Variants in PLCD4 observed in about 807,000 individuals in gnomAD.
PLCD4 encodes the protein phospholipase C delta 4, also known as 1-phosphatidylinositol 4,5-bisphosphate phosphodiesterase delta-4.
In PLCD4, 63 loss-of-function variants were observed where a neutral mutation model predicts 90.2. The observed-to-expected ratio is 0.70, with a 90% CI of 0.57 to 0.86. PLCD4 has a LOEUF of 0.86. PLCD4 is among the 40% of genes least tolerant of loss of function. The probability of loss-of-function intolerance (pLI) is 0.00; values close to 1 mark genes in which losing one functional copy is unlikely to be tolerated. For missense variants in PLCD4, 830 were observed against 956.3 expected (o/e 0.87, Z 1.74); for synonymous variants, 294 against 356.5 (o/e 0.82, Z 1.97).
intron 3 of PLCD4, among the ~76,000 whole-genome samples, chr2:218,617,138 G>A (rs895160809): frequency 1.2e-3 from 175 of 144,934 alleles, no homozygotes; most frequent in African/African-American, 4.0e-3. Flanking sequence ...CTAATTTTTC[G>A]CATTTTTAGT....
At chr2:218,608,540 TG>T (rs887125311) in intron 1 of PLCD4, among the ~76,000 whole-genome samples, 4 of 152,182 alleles carry the variant, frequency 2.6e-5, no homozygotes, top group Non-Finnish European at 5.9e-5. Flanking sequence ...GCCTATTCCA[TG>T]GGCCAGAGCA....
Position 218,633,757 on chromosome 2 carries a change from G to C in PLCD4, c.1602G>C (p.Glu534Asp). ...CCAAGGCCAAGCGCCTCATCAAGGA[G>C]GCTGGTCAGGACCAAAATGGAGGGA... is the stretch of plus-strand genomic sequence containing the variant. ...SETKAKRLIK[E>D]AGNEFVQHNT... is the part of the protein sequence containing the mutation. The change falls in exon 11 of 16, where the codon GAG becomes GAC. Residue 534 changes from glutamate (E) to aspartate (D), a missense_variant. Glu to Asp is a conservative substitution (Grantham distance 45). Coordinates refer to ENST00000450993, the MANE Select transcript of PLCD4 (RefSeq NM_032726.4). The C allele has an allele frequency of 6.2e-7, 1 of 1,613,886 alleles. No individual in the cohort carries two copies. The highest frequency in any genetic ancestry group is 8.5e-7 in the Non-Finnish European group (1 of 1,179,878).
chr2:218,633,416 A>G (rs754166147), intron 10 of PLCD4, 189 bp from the exon 11 acceptor site: 9 of 738,452 alleles, frequency 1.2e-5, no homozygotes, highest in African/African-American at 1.7e-5. Flanking sequence ...TTGTCCGTCT[A>G]TCTGTTGTCA....
rs983994246 is a variant in PLCD4, at chr2:218,635,819, C to T, written c.1920C>T (p.Pro640=). Residue 640 remains proline, a synonymous_variant, in exon 14 of 16, where the codon CCC becomes CCT. Coordinates refer to ENST00000450993, the MANE Select transcript of PLCD4 (RefSeq NM_032726.4). ...LIQVISGQQL[P]KVDKTKEGSI... is the part of the protein sequence containing the mutation. The stretch of plus-strand genomic sequence containing the variant: ...AGGTGATCAGCGGTCAGCAACTCCC[C>T]AAAGTGGACAAGACCAAAGAGGGGT... 16 of 1,613,454 alleles carry T rather than the reference C, an allele frequency of 9.9e-6. No homozygotes were observed. The highest frequency in any genetic ancestry group is 1.4e-5 in the Non-Finnish European group (16 of 1,179,686).
intron 6 of PLCD4, among the ~76,000 whole-genome samples, chr2:218,627,810 C>G (rs899142480): frequency 2.0e-5 from 3 of 152,164 alleles, no homozygotes; most frequent in African/African-American, 7.2e-5. Context: ...CCGCGCCCAG[C>G]CTTGAATGAT....
In PLCD4 at chr2:218,628,091, G is replaced by A. The variant is rs369761244; in HGVS notation, c.835G>A (p.Asp279Asn). The change falls in exon 7 of 16, where the codon GAC (aspartate) becomes AAC (asparagine). Residue 279 changes from aspartate (D) to asparagine (N), a missense_variant. By Grantham distance (23) the Asp-to-Asn change is conservative. Coordinates refer to ENST00000450993, the MANE Select transcript of PLCD4 (RefSeq NM_032726.4). ...CAGCTACCTCTGCTCTAAGGATGGA[G>A]ACATCTTCAACCCAGCCTGCCTCCC... ...FLSYLCSKDG[D>N]IFNPACLPIY... The A allele has an allele frequency of 3.7e-5, 59 of 1,613,920 alleles. 1 individual carries two copies. The Admixed American group carries it at 5.0e-4, about 14-fold the overall frequency.
At chr2:218,612,600 C>G (rs13389890) in intron 1 of PLCD4, among the ~76,000 whole-genome samples, 1 of 151,830 alleles carries the variant, frequency 6.6e-6, no homozygotes, top group Non-Finnish European at 1.5e-5. Flanking sequence ...GGCAAAACTC[C>G]GTCTCTACTC....
At chr2:218,616,726 T>TATACGTACATAC (rs1695595470) in intron 3 of PLCD4, among the ~76,000 whole-genome samples, 1 of 128,776 alleles carries the variant, frequency 7.8e-6, no homozygotes, top group Admixed American at 8.5e-5. Flanking sequence ...AAAATACATA[T>TATACGTACATAC]ATACATACAT....
chr2:218,635,972 T>C (rs935437081), intron 14 of PLCD4, 41 bp downstream of exon 14: 9 of 1,613,288 alleles, frequency 5.6e-6, no homozygotes, highest in Non-Finnish European at 7.6e-6. Context: ...GGTAGGAGCA[T>C]GATTAGTTTT....
intron 3 of PLCD4, among the ~76,000 whole-genome samples, chr2:218,616,890 C>A (rs1695606348): frequency 1.8e-5 from 1 of 56,346 alleles, no homozygotes; most frequent in Non-Finnish European, 3.7e-5. Context: ...TGAATGTTAG[C>A]CATTATTTTA....
Position 218,634,161 on chromosome 2 carries a change from C to T in PLCD4, c.1663C>T (p.Leu555=), listed in dbSNP as rs1379459912. 2 of 1,612,874 alleles carry T rather than the reference C, an allele frequency of 1.2e-6. No individual in the cohort carries two copies. The highest frequency in any genetic ancestry group is 1.1e-5 in the South Asian group (1 of 90,746). Residue 555 remains leucine, a synonymous_variant, in exon 12 of 16, where the codon CTG becomes TTG. Coordinates refer to ENST00000450993, the MANE Select transcript of PLCD4 (RefSeq NM_032726.4). The surrounding 1 kb of genome is among the most constrained non-coding windows in gnomAD (Gnocchi z 4.0). Reference sequence around the variant, plus strand: ...GTTAAGCCGTGTGTATCCCAGCGGCCTGAGGACAGACTCTTCCAACTACAA... The same window carrying T: ...GTTAAGCCGTGTGTATCCCAGCGGCTTGAGGACAGACTCTTCCAACTACAA... ...WQLSRVYPSG[L]RTDSSNYNPQ...
chr2:218,630,656 G>C lies in PLCD4; in HGVS notation c.1126G>C (p.Asp376His), dbSNP rs749038624. ...TCCCTCCCCTCACCACCAGACATCA[G>C]ACTACCCAGTCATCTTGTCCCTGGA... ...TVAQYAFQTS[D>H]YPVILSLETH... Residue 376 changes from aspartate (D) to histidine (H), a missense_variant, in exon 9 of 16, where the codon GAC becomes CAC. Transcript: ENST00000450993. 1 of 1,614,026 alleles carries C rather than the reference G, an allele frequency of 6.2e-7. No homozygotes were observed. The highest frequency in any genetic ancestry group is 1.7e-5 in the Admixed American group (1 of 60,024).
intron 14 of PLCD4, 140 bp downstream of exon 14, chr2:218,636,071 C>A: frequency 6.9e-7 from 1 of 1,445,142 alleles, no homozygotes; most frequent in Non-Finnish European, 9.4e-7. Flanking sequence ...AGAATCCTGG[C>A]TCTTCACTTA....
At position 218,634,367 on chromosome 2, in the gene PLCD4, G is replaced by A. The variant is rs574517639; in HGVS notation, c.1724-91G>A. On this transcript the variant is annotated intron_variant, in intron 12 of 15. Coordinates refer to ENST00000450993, the MANE Select transcript of PLCD4 (RefSeq NM_032726.4). This position sits in a 1 kb window ranked among gnomAD's most constrained non-coding sequence, Gnocchi z 4.0. ...AGTGGATATTACCAGCAGGTACCGT[G>A]CACCCAGTACCTATCTTCTTAACTC... The A allele has an allele frequency of 2.5e-6, 4 of 1,573,592 alleles. No individual in the cohort carries two copies. The South Asian group carries it at 4.7e-5, about 19-fold the overall frequency.
At chr2:218,633,857 G>C (rs1478300456) in intron 11 of PLCD4, 96 bp downstream of exon 11, 2 of 1,441,532 alleles carry the variant, frequency 1.4e-6, no homozygotes, top group Non-Finnish European at 1.9e-6. Context: ...AGACAAGGTA[G>C]CTAAGGAGAG....
chr2:218,610,184 C>T (rs1344532239), intron 1 of PLCD4, among the ~76,000 whole-genome samples: 1 of 151,536 alleles, frequency 6.6e-6, no homozygotes, highest in South Asian at 2.1e-4. Flanking sequence ...AGGACCAGGT[C>T]AGGCATGGGA....
chr2:218,633,869 T>G, intron 11 of PLCD4, 108 bp downstream of exon 11: 2 of 1,380,786 alleles, frequency 1.4e-6, no homozygotes, highest in African/African-American at 1.4e-5. Flanking sequence ...TAAGGAGAGA[T>G]GAAGGAGTTC....
At chr2:218,629,785 T>A in intron 8 of PLCD4, 122 bp downstream of exon 8, 1 of 1,094,960 alleles carries the variant, frequency 9.1e-7, no homozygotes, top group Non-Finnish European at 1.3e-6. Flanking sequence ...GATTTAACTG[T>A]AAAGCATCAG....
At chr2:218,628,531 T>G in intron 7 of PLCD4, 1 of 283,160 alleles carries the variant, frequency 3.5e-6, no homozygotes, top group South Asian at 7.7e-5. Flanking sequence ...CAATAGAGAA[T>G]AGGAGTTAAA....
Sources: gnomAD v4.1 joint callset for allele counts (sites outside exome capture counted in the v4.1 genomes callset) on GRCh38, gnomAD v4.1.1 for gene constraint, Gnocchi (gnomAD v3.1) non-coding constraint, MANE v1.5 for transcripts, NCBI Gene and HGNC (gene_info 2026-07-23, HGNC 2026-07-21) for gene names.